The following PRKCG variants were observed in gnomAD, a reference collection of about 807,000 sequenced individuals.
The protein encoded by PRKCG is protein kinase C gamma type.
Under a neutral mutation model 82.0 loss-of-function variants are expected in PRKCG, and 28 were observed. The ratio of observed to expected loss-of-function variants is 0.34; its 90% confidence interval spans 0.25 to 0.47. PRKCG has a LOEUF of 0.47. Ranked by LOEUF, PRKCG falls within the 20% of genes least tolerant of loss-of-function variation. The pLI, the probability that PRKCG is intolerant of heterozygous loss-of-function variation, is 1.00. For synonymous variants in PRKCG, 383 were observed against 376.6 expected (o/e 1.02, Z -0.20); for missense variants, 640 against 952.7 (o/e 0.67, Z 4.32).
chr19:53,900,205 G>T lies in PRKCG; in HGVS notation c.1282-28G>T. On this transcript the variant is annotated intron_variant, in intron 11 of 17. Transcript: ENST00000263431. This position sits in a 1 kb window ranked among gnomAD's most constrained non-coding sequence, Gnocchi z 4.2. ...CTCCTACTCTGGGTAGATGGATCCCGCCTCTAAGCCCATGCACTTCTCCGC... is the reference window on the plus strand; with the variant it reads ...CTCCTACTCTGGGTAGATGGATCCCTCCTCTAAGCCCATGCACTTCTCCGC... 6.3e-7 allele frequency: 1 copy of T among 1,598,426 alleles called. No homozygotes were observed.
intron 11 of PRKCG, among the ~76,000 whole-genome samples, chr19:53,899,146 G>C (rs972918357): frequency 2.6e-5 from 4 of 152,040 alleles, no homozygotes; most frequent in Non-Finnish European, 5.9e-5. Context: ...CCTCGGGGGC[G>C]TGGCCAGGCG....
At position 53,893,295 on chromosome 19, in the gene PRKCG, C is replaced by A. The variant is rs1196364937; in HGVS notation, c.910-67C>A. On this transcript the variant is annotated intron_variant, in intron 8 of 17. Transcript: ENST00000263431. ...ATGGCTTGAGGGTACTAGGGGCCAC[C>A]AGCCCCTGTTCTAGGGCGATCCCCT... The A allele has an allele frequency of 2.6e-6, 4 of 1,518,888 alleles. No individual in the cohort carries two copies. In the African/African-American group the frequency reaches 5.5e-5, roughly 21 times the overall value. The allele number at this position is 1,518,888 out of a possible 1,614,324, so 94.1% of individuals were successfully genotyped here. A position where few individuals can be genotyped will look rare whatever the true frequency, so the allele number is the denominator to read the frequency against.
At position 53,882,787 on chromosome 19, in the gene PRKCG, GC is replaced by G; in HGVS notation, c.170+125del. On this transcript the variant is annotated intron_variant, in intron 1 of 17. Transcript: ENST00000263431. The surrounding 1 kb of genome is among the most constrained non-coding windows in gnomAD (Gnocchi z 6.1). ...GTCCCGACTCCCAGGTTCTAGGATG[GC>G]CAGGGAACGCTGGGAGCTTCGACTC... 1 of 1,349,028 alleles carries G rather than the reference GC, an allele frequency of 7.4e-7. No individual in the cohort carries two copies. Among genetic ancestry groups the G allele is most frequent in the Non-Finnish European group, 9.9e-7 (1 of 1,007,794 alleles). 83.6% of individuals were successfully genotyped at this position (1,349,028 alleles called of 1,614,324 possible).
At chr19:53,886,071 A>C (rs1285349698) in intron 3 of PRKCG, among the ~76,000 whole-genome samples, 1 of 151,126 alleles carries the variant, frequency 6.6e-6, no homozygotes, top group Admixed American at 6.6e-5. Flanking sequence ...TGGAAAAAAA[A>C]AAAAAGATTT....
In PRKCG at chr19:53,882,901, G is replaced by T. The variant is rs527822175; in HGVS notation, c.170+237G>T. Among the ~76,000 whole-genome samples the T allele has an allele frequency of 6.6e-6, 1 of 152,050 alleles. No homozygotes were observed. The highest frequency in any genetic ancestry group is 2.1e-4 in the South Asian group (1 of 4,818). ...GAGGACAGAGGTCCTGGAGTCTTGG[G>T]TCTGAGGGAGGAAGGGCCTGGGGGG... On this transcript the variant is annotated intron_variant, in intron 1 of 17. Coordinates refer to ENST00000263431, the MANE Select transcript of PRKCG (RefSeq NM_002739.5). The surrounding 1 kb of genome is among the most constrained non-coding windows in gnomAD (Gnocchi z 6.1).
At position 53,903,057 on chromosome 19, in the gene PRKCG, C is replaced by T; in HGVS notation, c.1576-16C>T. The T allele has an allele frequency of 1.2e-6, 2 of 1,607,698 alleles. No individual in the cohort carries two copies. The highest frequency in any genetic ancestry group is 1.7e-6 in the Non-Finnish European group (2 of 1,174,208). On this transcript the variant is annotated splice_polypyrimidine_tract_variant and intron_variant, in intron 14 of 17. Transcript: ENST00000263431. ...TAAAGAACGCATCATGATTCCCTGC[C>T]TTCCACCTCCCCTAGATCATTGCCT...
chr19:53,898,433 C>A lies in PRKCG; in HGVS notation c.1093-7C>A. 1 of 1,613,886 alleles carries A rather than the reference C, an allele frequency of 6.2e-7. No individual in the cohort carries two copies. Among genetic ancestry groups the A allele is most frequent in the Non-Finnish European group, 8.5e-7 (1 of 1,179,996 alleles). On this transcript the variant is annotated splice_region_variant and splice_polypyrimidine_tract_variant and intron_variant, in intron 10 of 17. Coordinates refer to ENST00000263431, the MANE Select transcript of PRKCG (RefSeq NM_002739.5). ...ATGGACTGGCCCTTTTGGAACTGTG[C>A]GCATAGGTGATGCTGGCCGAGCGCA...
rs1426499768 is a variant in PRKCG, at chr19:53,889,272, AT to A, written c.286-363del. ...CCCAGCCAGGACCACCGTATTTAAAATTTCAATCCCCCAACTTCTGGTGGTC... is the reference window on the plus strand; with the variant it reads ...CCCAGCCAGGACCACCGTATTTAAAATTCAATCCCCCAACTTCTGGTGGTC... On this transcript the variant is annotated intron_variant, in intron 3 of 17. Transcript: ENST00000263431. This position sits in a 1 kb window ranked among gnomAD's most constrained non-coding sequence, Gnocchi z 4.4. Among the ~76,000 whole-genome samples, 1 of 152,080 alleles carries A rather than the reference AT, an allele frequency of 6.6e-6. No individual in the cohort carries two copies. The highest frequency in any genetic ancestry group is 2.4e-5 in the African/African-American group (1 of 41,414).
chr19:53,906,953 C>CT lies in PRKCG; in HGVS notation c.*58_*59insT. ...CCCCTCCGCCGTGCCGGCGGCAGCCCCACTTCACCCCCAACTTCACCACCC... is the reference window on the plus strand; with the variant it reads ...CCCCTCCGCCGTGCCGGCGGCAGCCCTCACTTCACCCCCAACTTCACCACCC... On this transcript the variant is annotated 3_prime_UTR_variant, in exon 18 of 18. Coordinates refer to ENST00000263431, the MANE Select transcript of PRKCG (RefSeq NM_002739.5). 1 of 1,609,770 alleles carries CT rather than the reference C, an allele frequency of 6.2e-7. No homozygotes were observed. The highest frequency in any genetic ancestry group is 1.7e-5 in the Admixed American group (1 of 59,440).
At chr19:53,886,868 T>G (rs2068635008) in intron 3 of PRKCG, among the ~76,000 whole-genome samples, 1 of 152,238 alleles carries the variant, frequency 6.6e-6, no homozygotes, top group Non-Finnish European at 1.5e-5. Context: ...ATTCCTTGTT[T>G]GTAAAGTGGA....
chr19:53,904,161 C>T (rs770640803), intron 15 of PRKCG, among the ~76,000 whole-genome samples: 8 of 151,776 alleles, frequency 5.3e-5, no homozygotes, highest in African/African-American at 9.7e-5. Flanking sequence ...TTTGGGAGGC[C>T]GAAGTGGGCA....
rs376011664 is a variant in PRKCG at position 53,892,373 on chromosome 19, T to C, written c.687-136T>C. The stretch of plus-strand genomic sequence containing the variant: ...TGGAGAGAGAGCCCGGCTGGGAAGG[T>C]CAGAGGTCGGAGACCGACAAAGCAG... On this transcript the variant is annotated intron_variant, in intron 6 of 17. Coordinates refer to ENST00000263431, the MANE Select transcript of PRKCG (RefSeq NM_002739.5). This position sits in a 1 kb window ranked among gnomAD's most constrained non-coding sequence, Gnocchi z 5.9. 1.5e-6 allele frequency: 2 copies of C among 1,358,034 alleles called. No homozygotes were observed. Among genetic ancestry groups the C allele is most frequent in the Non-Finnish European group, 2.0e-6 (2 of 998,678 alleles). The allele number at this position is 1,358,034 out of a possible 1,614,324, so 84.1% of individuals were successfully genotyped here.
Position 53,883,284 on chromosome 19 carries a change from G to T in PRKCG, c.202+90G>T. 2 of 1,509,010 alleles carry T rather than the reference G, an allele frequency of 1.3e-6. No homozygotes were observed. The highest frequency in any genetic ancestry group is 1.1e-5 in the South Asian group (1 of 88,902). The allele number at this position is 1,509,010 out of a possible 1,614,324, so 93.5% of individuals were successfully genotyped here. On this transcript the variant is annotated intron_variant, in intron 2 of 17. Transcript: ENST00000263431. The surrounding 1 kb of genome is among the most constrained non-coding windows in gnomAD (Gnocchi z 5.4). ...AGGCTGCTTGACACACGTGTTCTCT[G>T]GTCCCCAGAGAGGCGCGGGGGAGCC...
At chr19:53,893,675 G>C (rs994586485) in intron 9 of PRKCG, among the ~76,000 whole-genome samples, 1 of 151,850 alleles carries the variant, frequency 6.6e-6, no homozygotes. Flanking sequence ...CACTAATCCA[G>C]CCTGGGGGAG....
chr19:53,907,105 C>A lies in PRKCG; in HGVS notation c.*210C>A. 1 of 1,181,124 alleles carries A rather than the reference C, an allele frequency of 8.5e-7. No homozygotes were observed. Among genetic ancestry groups the A allele is most frequent in the Non-Finnish European group, 1.2e-6 (1 of 856,086 alleles). 73.2% of individuals were successfully genotyped at this position (1,181,124 alleles called of 1,614,324 possible). ...CTCTACAGCCGTCCCGCGTTCAAGACTTGAGCGGAGCCCGATATTCTCCCT... is the reference window on the plus strand; with the variant it reads ...CTCTACAGCCGTCCCGCGTTCAAGAATTGAGCGGAGCCCGATATTCTCCCT... On this transcript the variant is annotated 3_prime_UTR_variant, in exon 18 of 18. Coordinates refer to ENST00000263431, the MANE Select transcript of PRKCG (RefSeq NM_002739.5).
intron 14 of PRKCG, among the ~76,000 whole-genome samples, chr19:53,902,410 T>A (rs769235259): frequency 1.3e-5 from 2 of 152,032 alleles, no homozygotes; most frequent in Admixed American, 1.3e-4. Flanking sequence ...TGAGACTCCA[T>A]CTCAAAAAAG....
intron 8 of PRKCG, 44 bp from the exon 9 acceptor site, chr19:53,893,318 C>T (rs1235968061): frequency 6.3e-7 from 1 of 1,592,756 alleles, no homozygotes; most frequent in Admixed American, 1.7e-5. Context: ...AGGGCGATCC[C>T]CTGCATCTCT....
chr19:53,906,219 G>C (rs2068809308), intron 16 of PRKCG, 98 bp from the exon 17 acceptor site: 13 of 1,475,054 alleles, frequency 8.8e-6, no homozygotes, highest in Non-Finnish European at 1.1e-5. Flanking sequence ...TGTGTCTCTT[G>C]GTTCCTCCAT....
intron 3 of PRKCG, among the ~76,000 whole-genome samples, chr19:53,886,804 A>G (rs1231033070): frequency 6.6e-6 from 1 of 152,004 alleles, no homozygotes; most frequent in Non-Finnish European, 1.5e-5. Flanking sequence ...CAGCTCCACC[A>G]CTTTTTGGTT....
Sources: allele counts gnomAD v4.1 joint callset (sites outside exome capture counted in the v4.1 genomes callset), GRCh38; gene constraint gnomAD v4.1.1; non-coding constraint Gnocchi (gnomAD v3.1); transcripts MANE v1.5; gene names NCBI Gene and HGNC (gene_info 2026-07-23, HGNC 2026-07-21).